Variants in MYO5B observed in about 807,000 individuals in gnomAD.
MYO5B encodes myosin VB, also known as unconventional myosin-Vb.
MYO5B carries 143 observed loss-of-function variants against 229.3 expected under a neutral mutation model. The observed-to-expected ratio is 0.62, with a 90% CI of 0.54 to 0.72. The LOEUF is 0.72. Ranked by LOEUF, MYO5B falls within the 30% of genes least tolerant of loss-of-function variation. The probability of loss-of-function intolerance (pLI) is 0.00; values close to 1 mark genes in which losing one functional copy is unlikely to be tolerated. For synonymous variants in MYO5B, 918 were observed against 885.2 expected, an observed-to-expected ratio of 1.04 and a Z score of -0.66; for missense variants, 2,321 against 2,331.0, an observed-to-expected ratio of 1.00 and a Z score of 0.09.
intron 17 of MYO5B, among the ~76,000 whole-genome samples, chr18:49,920,419 G>C (rs1310877921): frequency 6.6e-6 from 1 of 152,134 alleles, no homozygotes; most frequent in Admixed American, 6.5e-5. Flanking sequence ...CAGTGCAAAG[G>C]TTGTCACATG....
intron 1 of MYO5B, among the ~76,000 whole-genome samples, chr18:50,086,618 G>A (rs780287156): frequency 6.6e-6 from 1 of 152,160 alleles, no homozygotes; most frequent in Non-Finnish European, 1.5e-5. Context: ...CTGGAGACAC[G>A]GAGAAATTAT....
At chr18:49,993,052 A>G (rs1367623397) in intron 5 of MYO5B, among the ~76,000 whole-genome samples, 2 of 152,124 alleles carry the variant, frequency 1.3e-5, no homozygotes, top group African/African-American at 4.8e-5. Flanking sequence ...CTGCAGCATC[A>G]GGGTTACAGT....
chr18:50,181,638 C>T (rs2033075295), intron 1 of MYO5B, among the ~76,000 whole-genome samples: 1 of 152,190 alleles, frequency 6.6e-6, no homozygotes, highest in Non-Finnish European at 1.5e-5. Flanking sequence ...CATCTGCAGC[C>T]CTCTGCCCAA....
chr18:49,880,632 A>T (rs2024576346), intron 22 of MYO5B, 177 bp from the exon 23 acceptor site: 1 of 645,608 alleles, frequency 1.5e-6, no homozygotes, highest in South Asian at 1.7e-5. Context: ...AATCCCATTA[A>T]AACAAGACAG....
chr18:49,840,499 A>G (rs1373778271), intron 35 of MYO5B: 1 of 152,250 alleles, frequency 6.6e-6, no homozygotes, highest in Non-Finnish European at 1.5e-5. Context: ...TTCTGGCACA[A>G]AAGATGGAAT....
intron 4 of MYO5B, among the ~76,000 whole-genome samples, chr18:50,008,313 T>C (rs1277343480): frequency 2.0e-5 from 3 of 152,148 alleles, no homozygotes; most frequent in African/African-American, 7.2e-5. Flanking sequence ...GTCTCCCCAC[T>C]AGAACCTAAA....
chr18:50,099,068 G>C (rs572028130), intron 1 of MYO5B: 1 of 152,684 alleles, frequency 6.5e-6, no homozygotes, highest in South Asian at 2.1e-4. Context: ...GAGGCTTCAA[G>C]CACAAGTTGC....
At chr18:50,143,682 G>T (rs767754625) in intron 1 of MYO5B, among the ~76,000 whole-genome samples, 13 of 152,206 alleles carry the variant, frequency 8.5e-5, no homozygotes, top group African/African-American at 2.7e-4. Context: ...ATAGAAGGCA[G>T]GCATTTGTTA....
chr18:49,918,552 T>C (rs1474631226), intron 17 of MYO5B, among the ~76,000 whole-genome samples: 4 of 152,216 alleles, frequency 2.6e-5, no homozygotes, highest in African/African-American at 9.6e-5. Flanking sequence ...GCTGGAGGAT[T>C]CCTGGTCACA....
At chr18:50,088,811 T>C (rs1186131411) in intron 1 of MYO5B, among the ~76,000 whole-genome samples, 6 of 152,222 alleles carry the variant, frequency 3.9e-5, no homozygotes, top group Non-Finnish European at 8.8e-5. Context: ...CTATCTTATC[T>C]ATCCATCAAC....
chr18:50,153,578 T>C (rs972573555), intron 1 of MYO5B, among the ~76,000 whole-genome samples: 14 of 152,172 alleles, frequency 9.2e-5, no homozygotes, highest in Non-Finnish European at 1.5e-5. Context: ...GCCTCCAGAA[T>C]AGCTGGGACT....
intron 1 of MYO5B, among the ~76,000 whole-genome samples, chr18:50,068,424 T>G (rs2144442593): frequency 6.6e-6 from 1 of 152,310 alleles, no homozygotes; most frequent in South Asian, 2.1e-4. Flanking sequence ...GCCATTGCCC[T>G]GGCTCCAAGG....
intron 17 of MYO5B, among the ~76,000 whole-genome samples, chr18:49,915,887 T>C (rs1196585401): frequency 6.6e-6 from 1 of 152,164 alleles, no homozygotes; most frequent in Non-Finnish European, 1.5e-5. Flanking sequence ...AAGTTTTAAA[T>C]ATAGACACTT....
At chr18:50,040,865 C>T (rs1377177772) in intron 2 of MYO5B, among the ~76,000 whole-genome samples, 1 of 152,180 alleles carries the variant, frequency 6.6e-6, no homozygotes, top group Non-Finnish European at 1.5e-5. Flanking sequence ...GACATATGTG[C>T]ATAACCAGGG....
intron 1 of MYO5B, among the ~76,000 whole-genome samples, chr18:50,123,816 G>T (rs146538579): frequency 1.6e-4 from 25 of 152,292 alleles, no homozygotes; most frequent in African/African-American, 5.1e-4. Flanking sequence ...CTGGAAGCCT[G>T]CTACACGTAA....
At chr18:50,176,707 G>GATAA (rs2033001732) in intron 1 of MYO5B, among the ~76,000 whole-genome samples, 6 of 152,274 alleles carry the variant, frequency 3.9e-5, no homozygotes, top group African/African-American at 1.4e-4. Flanking sequence ...TTTGCAAATT[G>GATAA]TTGTCGTGAT....
intron 4 of MYO5B, among the ~76,000 whole-genome samples, chr18:50,035,049 G>A (rs1326527769): frequency 6.6e-6 from 1 of 152,126 alleles, no homozygotes; most frequent in East Asian, 1.9e-4. Flanking sequence ...CCCATAATGG[G>A]TGCAAAGGTC....
chr18:50,085,733 C>T (rs1363132811), intron 1 of MYO5B, among the ~76,000 whole-genome samples: 35 of 152,044 alleles, frequency 2.3e-4, no homozygotes, highest in Non-Finnish European at 1.0e-4. Flanking sequence ...TACTATGCAG[C>T]CATAAAAAAT....
chr18:49,936,804 G>C (rs1280427436), intron 15 of MYO5B, among the ~76,000 whole-genome samples: 3 of 152,160 alleles, frequency 2.0e-5, no homozygotes, highest in Non-Finnish European at 4.4e-5. Flanking sequence ...GGTGGTGGCT[G>C]CCAGGGACTT....
Sources: gnomAD v4.1 joint callset for allele counts (sites outside exome capture counted in the v4.1 genomes callset) on GRCh38, gnomAD v4.1.1 for gene constraint, MANE v1.5 for transcripts, NCBI Gene and HGNC (gene_info 2026-07-23, HGNC 2026-07-21) for gene names.